The following MELK variants were observed in gnomAD, a reference collection of about 807,000 sequenced individuals.
The protein encoded by MELK is pEg3 kinase.
In MELK, 81 loss-of-function variants were observed where a neutral mutation model predicts 85.0. The ratio of observed to expected loss-of-function variants is 0.95; its 90% CI spans 0.80 to 1.15. The LOEUF is 1.15. Among genes scored for constraint, MELK ranks in the 50% most tolerant of loss-of-function variants. The probability of loss-of-function intolerance (pLI) is 0.00; values close to 1 mark genes in which losing one functional copy is unlikely to be tolerated. For missense variants in MELK, 754 were observed against 777.5 expected (o/e 0.97, Z 0.36); for synonymous variants, 252 against 265.0 (o/e 0.95, Z 0.48).
At chr9:36,645,614 A>G (rs1830153546) in intron 11 of MELK, among the ~76,000 whole-genome samples, 1 of 152,144 alleles carries the variant, frequency 6.6e-6, no homozygotes, top group Non-Finnish European at 1.5e-5. Flanking sequence ...TAGGCTACTC[A>G]CTCTAGATCA....
At chr9:36,595,768 G>A (rs1824157327) in intron 5 of MELK, among the ~76,000 whole-genome samples, 1 of 151,766 alleles carries the variant, frequency 6.6e-6, no homozygotes, top group Non-Finnish European at 1.5e-5. Context: ...ACCATGCCTG[G>A]CTAATTTTCT....
chr9:36,643,307 C>T (rs41302071), intron 11 of MELK, among the ~76,000 whole-genome samples: 35 of 151,974 alleles, frequency 2.3e-4, no homozygotes, highest in East Asian at 7.8e-4. Context: ...CACTTGAACC[C>T]GGGAGGCAGA....
At chr9:36,606,571 A>T (rs1825545666) in intron 7 of MELK, among the ~76,000 whole-genome samples, 1 of 145,522 alleles carries the variant, frequency 6.9e-6, no homozygotes, top group Non-Finnish European at 1.5e-5. Context: ...TATAATATAT[A>T]ATATATACAT....
intron 16 of MELK, among the ~76,000 whole-genome samples, chr9:36,674,190 CCA>C (rs1394409806): frequency 6.6e-6 from 1 of 152,028 alleles, no homozygotes; most frequent in Non-Finnish European, 1.5e-5. Flanking sequence ...ACAGTGCCTA[CCA>C]CATAGTAAAC....
chr9:36,647,412 A>G (rs1407495177), intron 11 of MELK, among the ~76,000 whole-genome samples: 1 of 152,050 alleles, frequency 6.6e-6, no homozygotes, highest in Non-Finnish European at 1.5e-5. Flanking sequence ...GAGAGTGATT[A>G]TAAGTATATA....
chr9:36,621,275 GAAAAAAAAAAAAAAAAAAAAAAAAAAA>G (rs74181196), intron 8 of MELK, among the ~76,000 whole-genome samples: 4,906 of 32,536 alleles, frequency 0.15, 406 homozygotes, highest in South Asian at 0.36. Context: ...CTGTCTCAGG[GAAAAAAAAAAAAAAAAAAAAAAAAAAA>G]AAAAAAAAAA....
At chr9:36,575,033 G>T (rs886435831) in intron 1 of MELK, among the ~76,000 whole-genome samples, 1 of 152,114 alleles carries the variant, frequency 6.6e-6, no homozygotes, top group Non-Finnish European at 1.5e-5. Context: ...CTACTTGGGA[G>T]GCTGAGGCAG....
rs1661261763 is a variant in MELK at position 36,581,829 on chromosome 9, CCA to C, written c.58+95_58+96del. On this transcript the variant is annotated intron_variant, in intron 2 of 17. Transcript: ENST00000298048. ...GTAGGTGTGAGCTTTTTCGTCTAAC[CCA>C]CACAGTTTTAAAATTCTTCTACCTA... 11 of 1,028,762 alleles carry C rather than the reference CCA, an allele frequency of 1.1e-5. No individual in the cohort carries two copies. In the South Asian group the frequency reaches 1.6e-4, roughly 15 times the overall value. The allele number at this position is 1,028,762 out of a possible 1,614,324, so 63.7% of individuals were successfully genotyped here. A position where few individuals can be genotyped will look rare whatever the true frequency, so the allele number is the denominator to read the frequency against.
At chr9:36,630,495 CCT>C (rs1564183825) in intron 9 of MELK, 128 bp downstream of exon 9, 1 of 711,022 alleles carries the variant, frequency 1.4e-6, no homozygotes, top group African/African-American at 1.8e-5. Context: ...TTGAAAATAT[CCT>C]CTATTAGATC....
At chr9:36,600,632 G>A (rs1824824409) in intron 7 of MELK, among the ~76,000 whole-genome samples, 1 of 152,150 alleles carries the variant, frequency 6.6e-6, no homozygotes, top group Admixed American at 6.6e-5. Flanking sequence ...TGATCCGCCT[G>A]CCTCGGCCTC....
At chr9:36,645,254 C>CT (rs1484243051) in intron 11 of MELK, among the ~76,000 whole-genome samples, 20 of 114,440 alleles carry the variant, frequency 1.7e-4, no homozygotes, top group African/African-American at 7.3e-4. Context: ...GAGACTCCGT[C>CT]TCAAAAAAAA....
At chr9:36,620,855 C>T (rs1827332896) in intron 8 of MELK, among the ~76,000 whole-genome samples, 1 of 151,910 alleles carries the variant, frequency 6.6e-6, no homozygotes, top group Non-Finnish European at 1.5e-5. Context: ...AGCTGCATTC[C>T]CTTCTTTTGA....
In MELK at chr9:36,677,294, A is replaced by G. The variant is rs1833430240; in HGVS notation, c.1913A>G (p.Tyr638Cys). 6.2e-7 allele frequency: 1 copy of G among 1,613,874 alleles called. No individual in the cohort carries two copies. The highest frequency in any genetic ancestry group is 8.5e-7 in the Non-Finnish European group (1 of 1,179,958). The change falls in exon 18 of 18, where the codon TAC (tyrosine) becomes TGC (cysteine). Residue 638 changes from tyrosine (Y) to cysteine (C), a missense_variant. Transcript: ENST00000298048. Reference protein sequence around the residue: ...RQRLKGDAWVYKRLVEDILSS... With the variant: ...RQRLKGDAWVCKRLVEDILSS... ...CGGCTTAAGGGCGATGCCTGGGTTT[A>G]CAAAAGATTAGTGGAAGACATCCTA...
intron 8 of MELK, among the ~76,000 whole-genome samples, chr9:36,622,662 A>G (rs974012735): frequency 6.6e-6 from 1 of 152,270 alleles, no homozygotes; most frequent in Admixed American, 6.5e-5. Context: ...AAAATTGAGT[A>G]GTTTGAAAAT....
chr9:36,628,870 T>C (rs1316662018), intron 8 of MELK, among the ~76,000 whole-genome samples: 3 of 149,226 alleles, frequency 2.0e-5, no homozygotes, highest in Non-Finnish European at 4.5e-5. Context: ...TTTCTTTTTT[T>C]TTTTTTTTTT....
chr9:36,615,419 C>T lies in MELK; in HGVS notation c.666+7746C>T, dbSNP rs1186991325. Reference sequence around the variant, plus strand: ...CTGACCCCCCCACCTCCCTCCCGGACGGCACGGCTGGCCAGGCGGGGGGCT... The same window carrying T: ...CTGACCCCCCCACCTCCCTCCCGGATGGCACGGCTGGCCAGGCGGGGGGCT... On this transcript the variant is annotated intron_variant, in intron 8 of 17. Coordinates refer to ENST00000298048, the MANE Select transcript of MELK (RefSeq NM_014791.4). Among the ~76,000 whole-genome samples the T allele has an allele frequency of 2.4e-5, 3 of 124,846 alleles. No homozygotes were observed. The East Asian group carries it at 8.9e-4, about 37-fold the overall frequency. The allele number at this position is 124,846 out of a possible 152,430, so 81.9% of individuals were successfully genotyped here. A position where few individuals can be genotyped will look rare whatever the true frequency, so the allele number is the denominator to read the frequency against.
intron 7 of MELK, chr9:36,606,875 C>G (rs1825617182): frequency 6.6e-6 from 1 of 151,764 alleles, no homozygotes; most frequent in African/African-American, 2.4e-5. Context: ...ACCTCCGACT[C>G]TTGGATTCAA....
intron 6 of MELK, 90 bp from the exon 7 acceptor site, chr9:36,599,300 CAAAA>C (rs34715003): frequency 0.01 from 3,890 of 376,982 alleles, no homozygotes; most frequent in East Asian, 0.014. Flanking sequence ...GACTCCGTCT[CAAAA>C]AAAAAAAAAA....
intron 1 of MELK, among the ~76,000 whole-genome samples, chr9:36,573,836 T>G (rs538853351): frequency 6.6e-6 from 1 of 151,998 alleles, no homozygotes; most frequent in African/African-American, 2.4e-5. Context: ...GAATGCTGTA[T>G]CAGTAATAGG....
Sources: allele counts gnomAD v4.1 joint callset (sites outside exome capture counted in the v4.1 genomes callset), GRCh38; gene constraint gnomAD v4.1.1; transcripts MANE v1.5; gene names NCBI Gene and HGNC (gene_info 2026-07-23, HGNC 2026-07-21).